PROCR: variants seen among roughly 807,000 people sequenced by gnomAD.
The protein encoded by PROCR is protein C receptor.
A neutral mutation model predicts 24.2 loss-of-function variants in PROCR; 22 were observed. The observed-to-expected ratio is 0.91, with a 90% CI of 0.65 to 1.30. The LOEUF (loss-of-function observed/expected upper bound fraction) is 1.30, where lower values mean the gene tolerates loss of function less well. PROCR is among the 50% of genes most tolerant of loss of function. The probability of loss-of-function intolerance (pLI) is 0.00; values close to 1 mark genes in which losing one functional copy is unlikely to be tolerated. For missense variants in PROCR, 288 were observed against 307.7 expected (o/e 0.94, Z 0.48); for synonymous variants, 137 against 139.2 (o/e 0.98, Z 0.11).
At chr20:35,171,345 C>T (rs932360600), upstream of PROCR, among the ~76,000 whole-genome samples, 10 of 152,174 alleles carry the variant, frequency 6.6e-5, no homozygotes, top group African/African-American at 9.7e-5. Context: ...CTAAGGGTGA[C>T]GCGCTGAAAT....
chr20:35,199,335 G>A (rs879599636), intron 1 of PROCR, among the ~76,000 whole-genome samples: 5 of 152,310 alleles, frequency 3.3e-5, no homozygotes, highest in South Asian at 2.1e-4. Flanking sequence ...GGCAATGCAC[G>A]TGGTCACCCA....
At chr20:35,197,499 C>T (rs938443474) in intron 1 of PROCR, among the ~76,000 whole-genome samples, 10 of 152,126 alleles carry the variant, frequency 6.6e-5, no homozygotes, top group Non-Finnish European at 1.5e-4. Context: ...CAATGAATAA[C>T]CCTACAATGG....
At chr20:35,201,940 T>C (rs768595700) in intron 1 of PROCR, 2 of 152,166 alleles carry the variant, frequency 1.3e-5, no homozygotes, top group African/African-American at 2.4e-5. Context: ...AAAAGAGATA[T>C]GGAAAAATCC....
At position 35,177,091 on chromosome 20, in the gene PROCR, T is replaced by G. The variant is rs1260179329; in HGVS notation, c.*278T>G. 1 of 1,231,390 alleles carries G rather than the reference T, an allele frequency of 8.1e-7. No homozygotes were observed. The highest frequency in any genetic ancestry group is 1.0e-6 in the Non-Finnish European group (1 of 970,942). 76.3% of individuals were successfully genotyped at this position (1,231,390 alleles called of 1,614,324 possible). Reference sequence around the variant, plus strand: ...ATCTATCTTTGTGGAAAACAGATAATGGAGTTGGGGCAGGAAGCCTATGGC... The same window carrying G: ...ATCTATCTTTGTGGAAAACAGATAAGGGAGTTGGGGCAGGAAGCCTATGGC... On this transcript the variant is annotated 3_prime_UTR_variant, in exon 4 of 4. Coordinates refer to ENST00000216968, the MANE Select transcript of PROCR (RefSeq NM_006404.5).
chr20:35,209,090 A>C (rs2060352781), intron 1 of PROCR, among the ~76,000 whole-genome samples: 1 of 152,208 alleles, frequency 6.6e-6, no homozygotes, highest in African/African-American at 2.4e-5. Flanking sequence ...ACACAAAATA[A>C]TTACTTAATT....
chr20:35,208,660 T>C (rs1368273749), intron 1 of PROCR, among the ~76,000 whole-genome samples: 1 of 152,134 alleles, frequency 6.6e-6, no homozygotes, highest in African/African-American at 2.4e-5. Context: ...ACACTATAAA[T>C]AGTGCTTACA....
At chr20:35,175,468 T>C (rs2146144389) in intron 2 of PROCR, among the ~76,000 whole-genome samples, 1 of 150,994 alleles carries the variant, frequency 6.6e-6, no homozygotes, top group African/African-American at 2.4e-5. Context: ...AACTCCTTCT[T>C]CTCAAAGACC....
chr20:35,174,994 A>AGTGGGGGCGGGGGCCTGGCGG (rs2085996011), intron 2 of PROCR, 41 bp downstream of exon 2: 2 of 65,452 alleles, frequency 3.1e-5, no homozygotes, highest in African/African-American at 3.3e-4. Flanking sequence ...GGGCGGGGCT[A>AGTGGGGGCGGGGGCCTGGCGG]GTGGGGGCGG....
intron 1 of PROCR, among the ~76,000 whole-genome samples, chr20:35,209,759 T>A (rs1353119628): frequency 6.6e-6 from 1 of 152,138 alleles, no homozygotes; most frequent in African/African-American, 2.4e-5. Flanking sequence ...ACTTTCTTGG[T>A]CTACGATGAT....
intron 1 of PROCR, among the ~76,000 whole-genome samples, chr20:35,183,434 C>G (rs1221716291): frequency 3.3e-5 from 5 of 152,162 alleles, no homozygotes; most frequent in African/African-American, 1.2e-4. Flanking sequence ...TGCCTGCTCC[C>G]CCTTTGCCTT....
At chr20:35,210,090 G>C (rs778516640) in intron 1 of PROCR, among the ~76,000 whole-genome samples, 3 of 152,106 alleles carry the variant, frequency 2.0e-5, no homozygotes, top group Non-Finnish European at 4.4e-5. Context: ...GCCAGGTGTG[G>C]TGGTGTGTGT....
At chr20:35,216,197 C>CAAAT (rs894796452) in exon 2 of PROCR, 7 of 152,068 alleles carry the variant, frequency 4.6e-5, no homozygotes, top group African/African-American at 1.5e-4. Context: ...AACTCTGTCT[C>CAAAT]AAATAAATAA....
At chr20:35,175,577 C>CTTTTTTTTT (rs1284592742) in intron 2 of PROCR, among the ~76,000 whole-genome samples, 12 of 51,292 alleles carry the variant, frequency 2.3e-4, no homozygotes, top group African/African-American at 7.7e-4. Context: ...ACCCCACCCC[C>CTTTTTTTTT]CTTTTTTTTT....
At chr20:35,172,282 G>A in intron 1 of PROCR, 58 bp downstream of exon 1, 1 of 1,580,158 alleles carries the variant, frequency 6.3e-7, no homozygotes, top group South Asian at 1.1e-5. Flanking sequence ...CAGTCTATCT[G>A]GGCACATGGC....
intron 1 of PROCR, among the ~76,000 whole-genome samples, chr20:35,186,965 G>T (rs2086133411): frequency 6.7e-6 from 1 of 149,228 alleles, no homozygotes; most frequent in Non-Finnish European, 1.5e-5. Flanking sequence ...AAAAAAAAAA[G>T]AAAAAAAAAT....
chr20:35,192,665 C>G (rs11907305), intron 1 of PROCR, among the ~76,000 whole-genome samples: 125 of 151,838 alleles, frequency 8.2e-4, no homozygotes, highest in African/African-American at 2.8e-3. Context: ...ACCCAGGAGA[C>G]TTTCCCCCCA....
At chr20:35,211,144 A>G (rs1420292649) in intron 1 of PROCR, among the ~76,000 whole-genome samples, 1 of 152,202 alleles carries the variant, frequency 6.6e-6, no homozygotes, top group Non-Finnish European at 1.5e-5. Flanking sequence ...AAATATATCC[A>G]TGCATGAGTA....
chr20:35,180,854 T>G (rs1369379367), downstream of PROCR, among the ~76,000 whole-genome samples: 1 of 126,558 alleles, frequency 7.9e-6, no homozygotes, highest in African/African-American at 2.7e-5. Context: ...GTTGTTTGTT[T>G]TTTGTTTTTT....
chr20:35,171,628 G>A (rs2085951225), upstream of PROCR, among the ~76,000 whole-genome samples: 2 of 152,120 alleles, frequency 1.3e-5, no homozygotes, highest in South Asian at 2.1e-4. Context: ...GTAAAATGTA[G>A]CCATTATACT....
Sources: gnomAD v4.1 joint callset for allele counts (sites outside exome capture counted in the v4.1 genomes callset) on GRCh38, gnomAD v4.1.1 for gene constraint, MANE v1.5 for transcripts, NCBI Gene and HGNC (gene_info 2026-07-23, HGNC 2026-07-21) for gene names.